Variants in ABCB8 observed in about 807,000 individuals in gnomAD.
The protein encoded by ABCB8 is mitochondrial potassium channel ATP-binding subunit.
A neutral mutation model predicts 73.0 loss-of-function variants in ABCB8; 52 were observed. The observed-to-expected ratio is 0.71, with a 90% CI of 0.57 to 0.90. The LOEUF is 0.90. ABCB8 is among the 40% of genes least tolerant of loss of function. The pLI is 0.00. For missense variants in ABCB8, 909 were observed against 974.6 expected (o/e 0.93, Z 0.90); for synonymous variants, 428 against 423.5 (o/e 1.01, Z -0.13).
At chr7:151,033,582 TC>T (rs769103849) in intron 1 of ABCB8, 22 bp from the exon 2 acceptor site, 5 of 1,532,618 alleles carry the variant, frequency 3.3e-6, no homozygotes, top group Non-Finnish European at 3.5e-6. Context: ...CCTCAAGCCA[TC>T]CATGCCTCTC....
intron 13 of ABCB8, 152 bp from the exon 14 acceptor site, chr7:151,041,809 C>A: frequency 1.0e-6 from 1 of 992,520 alleles, no homozygotes; most frequent in Non-Finnish European, 1.5e-6. Context: ...TCTGCATCCT[C>A]ACTTCACCTC....
At position 151,045,492 on chromosome 7, in the gene ABCB8, G is replaced by A. The variant is rs1460940816; in HGVS notation, c.*143G>A. ...GGCTGCTCCTGCTCACAATAAAGCC[G>A]GGGCCGAGCAGCTGGCAGGGGAGGC... On this transcript the variant is annotated 3_prime_UTR_variant, in exon 16 of 16. Coordinates refer to ENST00000358849, the MANE Select transcript of ABCB8 (RefSeq NM_007188.5). 17 of 1,110,208 alleles carry A rather than the reference G, an allele frequency of 1.5e-5. No individual in the cohort carries two copies. Among genetic ancestry groups the A allele is most frequent in the Middle Eastern group, 3.3e-4 (1 of 3,072 alleles). The allele number at this position is 1,110,208 out of a possible 1,614,324, so 68.8% of individuals were successfully genotyped here.
Position 151,040,883 on chromosome 7 carries a change from C to G in ABCB8, c.1444C>G (p.Pro482Ala), listed in dbSNP as rs779324768. Reference sequence around the variant, plus strand: ...GAAAGACTTCACCCTGACGCTGCCCCCTGGCAAGATCGTGGCCCTCGTGGG... The same window carrying G: ...GAAAGACTTCACCCTGACGCTGCCCGCTGGCAAGATCGTGGCCCTCGTGGG... ...VLKDFTLTLP[P>A]GKIVALVGQS... The change falls in exon 12 of 16, where the codon CCT (proline) becomes GCT (alanine). Residue 482 changes from proline to alanine, a missense_variant. By Grantham distance (27) the Pro-to-Ala change is conservative. Coordinates refer to ENST00000358849, the MANE Select transcript of ABCB8 (RefSeq NM_007188.5). 12 of 1,606,426 alleles carry G rather than the reference C, an allele frequency of 7.5e-6. No individual in the cohort carries two copies. The highest frequency in any genetic ancestry group is 3.3e-4 in the Middle Eastern group (2 of 6,074).
chr7:151,045,301 A>G lies in ABCB8; in HGVS notation c.2109A>G (p.Pro703=). 2 of 1,599,082 alleles carry G rather than the reference A, an allele frequency of 1.3e-6. No individual in the cohort carries two copies. The highest frequency in any genetic ancestry group is 1.7e-6 in the Non-Finnish European group (2 of 1,172,604). The change falls in exon 16 of 16, where the codon CCA becomes CCG. Residue 703 remains proline, a synonymous_variant. Coordinates refer to ENST00000358849, the MANE Select transcript of ABCB8 (RefSeq NM_007188.5). ...QALDAPRTAA[P]PPKKPEGPRS... The stretch of plus-strand genomic sequence containing the variant: ...TGGATGCCCCGAGGACAGCGGCCCC[A>G]CCGCCCAAAAAGCCAGAAGGCCCCA...
Position 151,045,463 on chromosome 7 carries a change from C to T in ABCB8, c.*114C>T. The T allele has an allele frequency of 7.9e-7, 1 of 1,273,230 alleles. No homozygotes were observed. The highest frequency in any genetic ancestry group is 1.0e-6 in the Non-Finnish European group (1 of 987,492). 78.9% of individuals were successfully genotyped at this position (1,273,230 alleles called of 1,614,324 possible). A position where few individuals can be genotyped will look rare whatever the true frequency, so the allele number is the denominator to read the frequency against. On this transcript the variant is annotated 3_prime_UTR_variant, in exon 16 of 16. Coordinates refer to ENST00000358849, the MANE Select transcript of ABCB8 (RefSeq NM_007188.5). ...AGGAGGGCCAGCATGTGGAGAGTCG[C>T]TGCGGCTGCTCCTGCTCACAATAAA...
At position 151,034,330 on chromosome 7, in the gene ABCB8, G is replaced by C; in HGVS notation, c.466G>C (p.Val156Leu). 1 of 1,613,844 alleles carries C rather than the reference G, an allele frequency of 6.2e-7. No individual in the cohort carries two copies. The highest frequency in any genetic ancestry group is 8.5e-7 in the Non-Finnish European group (1 of 1,179,994). The change falls in exon 3 of 16, where the codon GTA (valine) becomes CTA (leucine). Residue 156 changes from valine (V) to leucine (L), a missense_variant. Physicochemically the swap from Val to Leu is conservative, Grantham distance 32 (BLOSUM62 1). Coordinates refer to ENST00000358849, the MANE Select transcript of ABCB8 (RefSeq NM_007188.5). ...VQIPLLLGQLVEVVAKYTRDH... is the reference protein window; with the variant it reads ...VQIPLLLGQLLEVVAKYTRDH... Reference sequence around the variant, plus strand: ...GATCCCCCTGCTCCTGGGCCAGCTGGTAGAGGTCGTGGCCAAGTACACAAG... The same window carrying C: ...GATCCCCCTGCTCCTGGGCCAGCTGCTAGAGGTCGTGGCCAAGTACACAAG...
intron 9 of ABCB8, 83 bp from the exon 10 acceptor site, chr7:151,040,185 C>G (rs1366201756): frequency 2.0e-6 from 3 of 1,523,558 alleles, no homozygotes; most frequent in African/African-American, 1.4e-5. Context: ...CTTCCTTGCT[C>G]CCCCGCCCCA....
rs368911299 is a variant in ABCB8, at chr7:151,045,365, G to A, written c.*16G>A. The stretch of plus-strand genomic sequence containing the variant: ...CAAGTCCTGAGAAGGGCCCCCTGAG[G>A]TGTGGTCGCTGCCAAGCATCAGTGT... On this transcript the variant is annotated 3_prime_UTR_variant, in exon 16 of 16. Transcript: ENST00000358849. 5 of 1,515,870 alleles carry A rather than the reference G, an allele frequency of 3.3e-6. No individual in the cohort carries two copies. Among genetic ancestry groups the A allele is most frequent in the Non-Finnish European group, 3.5e-6 (4 of 1,129,208 alleles). 93.9% of individuals were successfully genotyped at this position (1,515,870 alleles called of 1,614,324 possible). A position where few individuals can be genotyped will look rare whatever the true frequency, so the allele number is the denominator to read the frequency against.
In ABCB8 at chr7:151,040,498, G is replaced by A. The variant is rs748816703; in HGVS notation, c.1252G>A (p.Val418Met). ...GCGGACTTTGGATCCCCTCCCACAG[G>A]TGGTCCGGGGGCTGAGTGCAGGTGC... is the stretch of plus-strand genomic sequence containing the variant. ...MANLSVLFGQ[V>M]VRGLSAGARV... is the part of the protein sequence containing the mutation. Residue 418 changes from valine to methionine, a missense_variant and splice_region_variant, in exon 11 of 16, where the codon GTG becomes ATG. Coordinates refer to ENST00000358849, the MANE Select transcript of ABCB8 (RefSeq NM_007188.5). The A allele has an allele frequency of 4.4e-6, 7 of 1,608,570 alleles. No homozygotes were observed. In the East Asian group the frequency reaches 1.1e-4, roughly 26 times the overall value.
intron 1 of ABCB8, chr7:151,033,216 G>A (rs1161277827): frequency 1.7e-5 from 7 of 414,382 alleles, no homozygotes; most frequent in South Asian, 3.7e-5. Context: ...TCTCTGCACC[G>A]TGGTCCCTTA....
chr7:151,030,110 A>C (rs1284728251), intron 1 of ABCB8, among the ~76,000 whole-genome samples: 1 of 152,254 alleles, frequency 6.6e-6, no homozygotes, highest in Non-Finnish European at 1.5e-5. Context: ...TGTTATTTAA[A>C]CCAGAGAGAA....
At chr7:151,041,022 A>G in intron 12 of ABCB8, 77 bp from the exon 13 acceptor site, 1 of 1,608,262 alleles carries the variant, frequency 6.2e-7, no homozygotes, top group East Asian at 2.2e-5. Flanking sequence ...CCCTTCCTCC[A>G]CTGCCACAAG....
At position 151,036,577 on chromosome 7, in the gene ABCB8, C is replaced by G. The variant is rs753664836; in HGVS notation, c.1145C>G (p.Ser382Cys). 3.7e-6 allele frequency: 6 copies of G among 1,613,934 alleles called. No individual in the cohort carries two copies. The highest frequency in any genetic ancestry group is 5.1e-6 in the Non-Finnish European group (6 of 1,179,960). ...MVLGTLFIGG[S>C]LVAGQQLTGG... ...TTGGGTACCCTATTTATTGGGGGCTCCCTTGTGGCCGGACAGCAGCTGACA... is the reference window on the plus strand; with the variant it reads ...TTGGGTACCCTATTTATTGGGGGCTGCCTTGTGGCCGGACAGCAGCTGACA... Residue 382 changes from serine (S) to cysteine (C), a missense_variant, in exon 9 of 16, where the codon TCC becomes TGC. Transcript: ENST00000358849.
chr7:151,033,827 C>T lies in ABCB8; in HGVS notation c.318C>T (p.Ser106=). Residue 106 remains serine, a synonymous_variant, in exon 2 of 16, where the codon TCC becomes TCT. Transcript: ENST00000358849. ...CAGAAGAGGCCCCTCCTGCCAGCTCCACACCCCATGTCGTGGGGTCTCGCT... is the reference window on the plus strand; with the variant it reads ...CAGAAGAGGCCCCTCCTGCCAGCTCTACACCCCATGTCGTGGGGTCTCGCT... The part of the protein sequence containing the change: ...CEAEEAPPAS[S]TPHVVGSRFN... 6.2e-7 allele frequency: 1 copy of T among 1,614,014 alleles called. No homozygotes were observed. Among genetic ancestry groups the T allele is most frequent in the Non-Finnish European group, 8.5e-7 (1 of 1,179,962 alleles).
At chr7:151,034,044 C>A in intron 2 of ABCB8, 127 bp downstream of exon 2, 1 of 1,281,352 alleles carries the variant, frequency 7.8e-7, no homozygotes, top group Non-Finnish European at 1.0e-6. Context: ...GCCAGGGGTC[C>A]AGGGGTGCCA....
At chr7:151,037,185 G>C (rs1345755337) in intron 9 of ABCB8, 1 of 702,876 alleles carries the variant, frequency 1.4e-6, no homozygotes, top group Non-Finnish European at 2.6e-6. Flanking sequence ...CCTCTAAGTG[G>C]AGTCAGACTA....
chr7:151,040,399 A>T, intron 10 of ABCB8, 98 bp downstream of exon 10: 1 of 1,583,308 alleles, frequency 6.3e-7, no homozygotes. Flanking sequence ...CGGGCAGAGG[A>T]GCTGGGGAGA....
At chr7:151,038,677 T>C (rs1228528304) in intron 9 of ABCB8, 3 of 152,200 alleles carry the variant, frequency 2.0e-5, no homozygotes, top group East Asian at 3.9e-4. Context: ...ACTCTGACTT[T>C]ACCTCCCACC....
intron 1 of ABCB8, among the ~76,000 whole-genome samples, chr7:151,032,060 G>A (rs1443196139): frequency 6.6e-6 from 1 of 152,060 alleles, no homozygotes; most frequent in East Asian, 1.9e-4. Flanking sequence ...TTCCCTTCTT[G>A]TAGGTCAGGC....
Sources: allele counts gnomAD v4.1 joint callset (sites outside exome capture counted in the v4.1 genomes callset), GRCh38; gene constraint gnomAD v4.1.1; transcripts MANE v1.5; gene names NCBI Gene and HGNC (gene_info 2026-07-23, HGNC 2026-07-21).